Variants in BCR observed in about 807,000 individuals in gnomAD.
The protein encoded by BCR is breakpoint cluster region protein.
A neutral mutation model predicts 138.6 loss-of-function variants in BCR; 58 were observed. The ratio of observed to expected loss-of-function variants is 0.42; its 90% confidence interval spans 0.34 to 0.52. The LOEUF (loss-of-function observed/expected upper bound fraction) is 0.52, where lower values mean the gene tolerates loss of function less well. Ranked by LOEUF, BCR falls within the 20% of genes least tolerant of loss-of-function variation. The probability of loss-of-function intolerance (pLI) is 0.06; values close to 1 mark genes in which losing one functional copy is unlikely to be tolerated. For synonymous variants in BCR, 786 were observed against 730.1 expected (o/e 1.08, Z -1.23); for missense variants, 1,599 against 1,727.2 (o/e 0.93, Z 1.32).
chr22:23,199,216 A>G (rs1185740323), intron 1 of BCR: 1 of 499,302 alleles, frequency 2.0e-6, no homozygotes, highest in Non-Finnish European at 4.0e-6. Context: ...TTTAGTGGCC[A>G]GATGGTGTGA....
chr22:23,182,891 A>G (rs2146191503), intron 1 of BCR, among the ~76,000 whole-genome samples: 1 of 152,122 alleles, frequency 6.6e-6, no homozygotes, highest in African/African-American at 2.4e-5. Context: ...CTGCATGGAG[A>G]TTTTATCTGG....
intron 1 of BCR, among the ~76,000 whole-genome samples, chr22:23,237,171 A>C (rs1449252929): frequency 6.6e-6 from 1 of 152,162 alleles, no homozygotes; most frequent in Admixed American, 6.5e-5. Flanking sequence ...TGCAGAACTC[A>C]CTTTTCCCAG....
chr22:23,194,530 C>T (rs938961940), intron 1 of BCR, among the ~76,000 whole-genome samples: 1 of 152,082 alleles, frequency 6.6e-6, no homozygotes, highest in African/African-American at 2.4e-5. Flanking sequence ...CCTGCCTCAG[C>T]CTCCCGAGTA....
chr22:23,263,443 G>C, intron 4 of BCR: 2 of 1,391,356 alleles, frequency 1.4e-6, no homozygotes, highest in East Asian at 2.3e-5. Context: ...GGGTGCTGCC[G>C]AGAGGGGATT....
At chr22:23,191,469 A>G (rs1044080599) in intron 1 of BCR, among the ~76,000 whole-genome samples, 1 of 152,232 alleles carries the variant, frequency 6.6e-6, no homozygotes. Flanking sequence ...ACAAACAAAC[A>G]AAACCTTTCT....
At chr22:23,200,242 G>A (rs988769132) in intron 1 of BCR, among the ~76,000 whole-genome samples, 5 of 152,170 alleles carry the variant, frequency 3.3e-5, no homozygotes, top group African/African-American at 4.8e-5. Flanking sequence ...GACCAGAGCC[G>A]GTGGCTTAGG....
At chr22:23,201,779 C>G (rs2072556632) in intron 1 of BCR, among the ~76,000 whole-genome samples, 1 of 152,048 alleles carries the variant, frequency 6.6e-6, no homozygotes, top group Non-Finnish European at 1.5e-5. Flanking sequence ...TGAAAAGCTC[C>G]CTGGGTGACT....
At chr22:23,209,038 T>C (rs1344929321) in intron 1 of BCR, among the ~76,000 whole-genome samples, 1 of 152,084 alleles carries the variant, frequency 6.6e-6, no homozygotes, top group African/African-American at 2.4e-5. Flanking sequence ...TCCTCAAGGT[T>C]CATCGGTGTT....
chr22:23,273,922 G>T, intron 8 of BCR, 148 bp downstream of exon 8: 1 of 1,176,038 alleles, frequency 8.5e-7, no homozygotes, highest in Non-Finnish European at 1.2e-6. Context: ...ACTCAGTCCT[G>T]TGTGGAAGGT....
intron 8 of BCR, chr22:23,283,650 G>T: frequency 4.1e-6 from 1 of 242,232 alleles, no homozygotes; most frequent in Non-Finnish European, 7.9e-6. Context: ...CAGACTGTTT[G>T]CTTGGCTGTG....
chr22:23,261,084 C>G, intron 3 of BCR, 30 bp downstream of exon 3: 1 of 1,590,342 alleles, frequency 6.3e-7, no homozygotes, highest in East Asian at 2.2e-5. Context: ...CTGAGCAGGG[C>G]GGGATGGGGC....
intron 1 of BCR, among the ~76,000 whole-genome samples, chr22:23,185,371 C>G (rs898145260): frequency 6.6e-6 from 1 of 152,138 alleles, no homozygotes; most frequent in Non-Finnish European, 1.5e-5. Context: ...TGCTGTAAAA[C>G]TATGCAGAAC....
chr22:23,224,308 G>A (rs2072863538), intron 1 of BCR, among the ~76,000 whole-genome samples: 1 of 152,198 alleles, frequency 6.6e-6, no homozygotes, highest in African/African-American at 2.4e-5. Context: ...CGAGGTCCAG[G>A]TGGTGGTGAT....
chr22:23,290,478 C>A (rs131677), intron 14 of BCR, 65 bp downstream of exon 14: 1,089,479 of 1,507,250 alleles, frequency 0.72, 398,961 homozygotes, highest in African/African-American at 0.88. Flanking sequence ...AGGAAGGACT[C>A]ATCGGGCAGG....
At chr22:23,250,991 C>G (rs1427334182) in intron 1 of BCR, 1 of 152,210 alleles carries the variant, frequency 6.6e-6, no homozygotes, top group Non-Finnish European at 1.5e-5. Flanking sequence ...GCGTTAATAA[C>G]CAACATAGCG....
intron 1 of BCR, among the ~76,000 whole-genome samples, chr22:23,233,820 A>G (rs2072989669): frequency 6.6e-6 from 1 of 151,740 alleles, no homozygotes; most frequent in Non-Finnish European, 1.5e-5. Flanking sequence ...AAAGAAAAAA[A>G]AAAAGAAGAA....
At position 23,310,319 on chromosome 22, in the gene BCR, T is replaced by C; in HGVS notation, c.3073-5T>C. The C allele has an allele frequency of 7.6e-7, 1 of 1,310,378 alleles. No homozygotes were observed. The highest frequency in any genetic ancestry group is 1.1e-6 in the Non-Finnish European group (1 of 932,808). 81.2% of individuals were successfully genotyped at this position (1,310,378 alleles called of 1,614,324 possible). ...AGAGGACTGTGCCCCTTCTCCCTACTGTAGATCGAAGTAAAGCTCTCGGTC... is the reference window on the plus strand; with the variant it reads ...AGAGGACTGTGCCCCTTCTCCCTACCGTAGATCGAAGTAAAGCTCTCGGTC... On this transcript the variant is annotated splice_region_variant and splice_polypyrimidine_tract_variant and intron_variant, in intron 17 of 22. Transcript: ENST00000305877.
chr22:23,268,578 CGAG>C, intron 5 of BCR, 63 bp downstream of exon 5: 1 of 1,355,300 alleles, frequency 7.4e-7, no homozygotes, highest in South Asian at 1.2e-5. Flanking sequence ...CTCCACCTCC[CGAG>C]GAGAACAGAG....
At chr22:23,305,236 A>G (rs1685968737) in intron 16 of BCR, among the ~76,000 whole-genome samples, 1 of 142,662 alleles carries the variant, frequency 7.0e-6, no homozygotes. Context: ...GTCTCAGCAA[A>G]GACCCACCCC....
Sources: gnomAD v4.1 joint callset for allele counts (sites outside exome capture counted in the v4.1 genomes callset) on GRCh38, gnomAD v4.1.1 for gene constraint, MANE v1.5 for transcripts, NCBI Gene and HGNC (gene_info 2026-07-23, HGNC 2026-07-21) for gene names.